MICAL3: variants seen among roughly 807,000 people sequenced by gnomAD.
The protein encoded by MICAL3 is microtubule associated monooxygenase, calponin and LIM domain containing 3, also known as [F-actin]-monooxygenase MICAL3.
MICAL3 carries 62 observed loss-of-function variants against 207.4 expected under a neutral mutation model. The observed-to-expected ratio is 0.30, with a 90% CI of 0.24 to 0.37. MICAL3 has a LOEUF of 0.37. MICAL3 is among the 10% of genes least tolerant of loss of function. The pLI is 1.00. For synonymous variants in MICAL3, 1,077 were observed against 1,069.3 expected, an observed-to-expected ratio of 1.01 and a Z score of -0.14; for missense variants, 2,368 against 2,635.6, an observed-to-expected ratio of 0.90 and a Z score of 2.22.
chr22:17,918,993 A>C (rs1932713823), intron 1 of MICAL3, among the ~76,000 whole-genome samples: 1 of 152,052 alleles, frequency 6.6e-6, no homozygotes, highest in Non-Finnish European at 1.5e-5. Flanking sequence ...CACATCGTTT[A>C]AACCTGCTCA....
rs756635307 is a variant in MICAL3, at chr22:17,864,906, T to C, written c.2598A>G (p.Arg866=). 5.0e-6 allele frequency: 8 copies of C among 1,613,592 alleles called. No individual in the cohort carries two copies. The highest frequency in any genetic ancestry group is 6.8e-6 in the Non-Finnish European group (8 of 1,179,848). The change falls in exon 19 of 32, where the codon AGA becomes AGG. Residue 866 remains arginine (R), a synonymous_variant. Transcript: ENST00000441493. ...ACAAGGAAGTGAGGCTACCTGGGGT[T>C]CTCTCAGTGGAGCTGGCCACGGCGT... ...RANAVASSTE[R]TPGSGVNGLE...
At chr22:18,001,125 G>C (rs1174726384) in intron 1 of MICAL3, 1 of 152,176 alleles carries the variant, frequency 6.6e-6, no homozygotes, top group Non-Finnish European at 1.5e-5. Context: ...TGACCACACG[G>C]GAACGCGAGG....
chr22:17,830,402 C>A (rs1922678158), intron 21 of MICAL3, among the ~76,000 whole-genome samples: 1 of 152,218 alleles, frequency 6.6e-6, no homozygotes, highest in Non-Finnish European at 1.5e-5. Context: ...GACGTTAGCA[C>A]TAAGTCCAGG....
At chr22:17,829,642 T>C (rs954396276) in intron 21 of MICAL3, among the ~76,000 whole-genome samples, 2 of 152,220 alleles carry the variant, frequency 1.3e-5, no homozygotes, top group Admixed American at 1.3e-4. Context: ...CTGTGCTTCC[T>C]GCTAATACAT....
chr22:17,955,396 G>A (rs1934563668), intron 1 of MICAL3, among the ~76,000 whole-genome samples: 1 of 152,126 alleles, frequency 6.6e-6, no homozygotes, highest in Non-Finnish European at 1.5e-5. Flanking sequence ...TAAAATCCAT[G>A]CTCCTCCATC....
rs768085619 is a variant in MICAL3, at chr22:17,865,003, G to A, written c.2518-17C>T. ...TTTGGCCTCCTAGGAAAGTTCATGAGAAAAAGAAGAGTGACTCTGACTGAT... is the reference window on the plus strand; with the variant it reads ...TTTGGCCTCCTAGGAAAGTTCATGAAAAAAAGAAGAGTGACTCTGACTGAT... On this transcript the variant is annotated splice_polypyrimidine_tract_variant and intron_variant, in intron 18 of 31. Transcript: ENST00000441493. 3 of 1,590,122 alleles carry A rather than the reference G, an allele frequency of 1.9e-6. No individual in the cohort carries two copies. The East Asian group carries it at 6.8e-5, about 36-fold the overall frequency.
chr22:17,912,061 G>A (rs1235457706), intron 1 of MICAL3, among the ~76,000 whole-genome samples: 1 of 151,866 alleles, frequency 6.6e-6, no homozygotes, highest in Non-Finnish European at 1.5e-5. Context: ...TGAAGCAGGA[G>A]GATTATTTGA....
intron 1 of MICAL3, among the ~76,000 whole-genome samples, chr22:17,970,300 G>A (rs1188089443): frequency 6.6e-6 from 1 of 152,250 alleles, no homozygotes; most frequent in Non-Finnish European, 1.5e-5. Flanking sequence ...GTCCTTGAGT[G>A]AGCGGCTGAC....
intron 19 of MICAL3, among the ~76,000 whole-genome samples, chr22:17,842,994 G>A (rs1924207188): frequency 6.6e-6 from 1 of 151,942 alleles, no homozygotes; most frequent in Non-Finnish European, 1.5e-5. Flanking sequence ...GGTGGCGGGC[G>A]CCTGTAGTCC....
At chr22:17,924,446 G>C (rs1932868660) in intron 1 of MICAL3, among the ~76,000 whole-genome samples, 1 of 152,164 alleles carries the variant, frequency 6.6e-6, no homozygotes, top group Non-Finnish European at 1.5e-5. Flanking sequence ...ATTTGATATA[G>C]ATACAGGTTG....
intron 1 of MICAL3, among the ~76,000 whole-genome samples, chr22:17,984,501 C>T (rs1163358745): frequency 6.6e-6 from 1 of 152,216 alleles, no homozygotes; most frequent in Non-Finnish European, 1.5e-5. Flanking sequence ...CATTGACCCA[C>T]ACCTCACTGC....
chr22:17,825,161 T>C (rs1477129637), intron 22 of MICAL3, among the ~76,000 whole-genome samples: 1 of 152,192 alleles, frequency 6.6e-6, no homozygotes, highest in Non-Finnish European at 1.5e-5. Flanking sequence ...CACGCGGCTC[T>C]CCTGTAGACT....
chr22:17,861,363 T>G, intron 19 of MICAL3: 1 of 985,470 alleles, frequency 1.0e-6, no homozygotes, highest in South Asian at 4.7e-5. Flanking sequence ...CTTCAGATCA[T>G]CTTTTCCATA....
chr22:17,845,161 C>T lies in MICAL3; in HGVS notation c.2606-3144G>A, dbSNP rs757644192. 9.7e-4 allele frequency among the ~76,000 whole-genome samples: 147 copies of T among 151,992 alleles called. 2 individuals are homozygous for T. Among genetic ancestry groups the T allele is most frequent in the Admixed American group, 9.0e-3 (137 of 15,272 alleles). ...CAGCTTTCTGGGAATTCCATAAATA[C>T]GGAACAAAAAGTGGTATTTCTTTTA... On this transcript the variant is annotated intron_variant, in intron 19 of 31. Transcript: ENST00000441493.
At position 17,915,844 on chromosome 22, in the gene MICAL3, C is replaced by G. The variant is rs889336555; in HGVS notation, c.-74-8958G>C. ...TGGCGACTGATGACTGTAAACCCAG[C>G]CCCTTGGGAGGCTGAAGCAGGAGGA... On this transcript the variant is annotated intron_variant, in intron 1 of 31. Transcript: ENST00000441493. Among the ~76,000 whole-genome samples the G allele has an allele frequency of 3.9e-5, 6 of 152,100 alleles. No homozygotes were observed. In the South Asian group the frequency reaches 8.3e-4, roughly 21 times the overall value.
chr22:17,876,761 GGTTAGGGAA>G (rs1490076686), intron 16 of MICAL3: 37 of 145,780 alleles, frequency 2.5e-4, no homozygotes, highest in African/African-American at 8.6e-4. Flanking sequence ...AGGTTAAGGA[GGTTAGGGAA>G]GTTATGGAGG....
At chr22:17,831,813 G>A in intron 21 of MICAL3, 41 bp downstream of exon 21, 1 of 1,537,364 alleles carries the variant, frequency 6.5e-7, no homozygotes, top group Non-Finnish European at 8.8e-7. Flanking sequence ...AGATCACTTT[G>A]GGGGGCAGGG....
At chr22:17,950,289 G>GCAGCTGGGAT (rs1490540180) in intron 1 of MICAL3, among the ~76,000 whole-genome samples, 1 of 151,036 alleles carries the variant, frequency 6.6e-6, no homozygotes, top group East Asian at 1.9e-4. Context: ...GGCCTCTCAA[G>GCAGCTGGGAT]CAGCTGGGAT....
Position 17,790,759 on chromosome 22 carries a change from G to A in MICAL3, c.5982C>T (p.Ser1994=). The A allele has an allele frequency of 6.2e-7, 1 of 1,608,618 alleles. No individual in the cohort carries two copies. The highest frequency in any genetic ancestry group is 8.5e-7 in the Non-Finnish European group (1 of 1,177,440). ...EDKDLEAAML[S]KGFSLNWS Reference sequence around the variant, plus strand: ...AGGACCAGTTAAGGCTGAAGCCCTTGGACAGCATGGCAGCCTCCAGGTCCT... The same window carrying A: ...AGGACCAGTTAAGGCTGAAGCCCTTAGACAGCATGGCAGCCTCCAGGTCCT... The change falls in exon 32 of 32, where the codon TCC becomes TCT. Residue 1994 remains serine, a synonymous_variant. Coordinates refer to ENST00000441493, the MANE Select transcript of MICAL3 (RefSeq NM_015241.3).
Sources: allele counts gnomAD v4.1 joint callset (sites outside exome capture counted in the v4.1 genomes callset), GRCh38; gene constraint gnomAD v4.1.1; transcripts MANE v1.5; gene names NCBI Gene and HGNC (gene_info 2026-07-23, HGNC 2026-07-21).